ACTR3C: variants seen among roughly 807,000 people sequenced by gnomAD.
The protein encoded by ACTR3C is actin-related protein 3C.
Under a neutral mutation model 26.3 loss-of-function variants are expected in ACTR3C, and 18 were observed. That is an observed-to-expected ratio of 0.68 (90% confidence interval 0.47 to 1.01). The LOEUF is 1.01. Ranked by LOEUF, ACTR3C falls within the 50% of genes least tolerant of loss-of-function variation. The probability of loss-of-function intolerance (pLI) is 0.00; values close to 1 mark genes in which losing one functional copy is unlikely to be tolerated. For synonymous variants in ACTR3C, 55 were observed against 94.5 expected, an observed-to-expected ratio of 0.58 and a Z score of 2.42; for missense variants, 184 against 250.7, an observed-to-expected ratio of 0.73 and a Z score of 1.80.
the ACTR3C span, among the ~76,000 whole-genome samples, chr7:150,224,089 A>C: frequency 2.6e-5 from 4 of 152,224 alleles, no homozygotes; most frequent in Non-Finnish European, 5.9e-5. Context: ...AGCAAGATGG[A>C]AATCACAATC....
chr7:150,079,895 GT>G, the ACTR3C span, among the ~76,000 whole-genome samples: 1 of 152,098 alleles, frequency 6.6e-6, no homozygotes, highest in Non-Finnish European at 1.5e-5. Flanking sequence ...ACTTGCCCAT[GT>G]GTTACGTAGC....
At chr7:149,988,166 T>G in the ACTR3C span, among the ~76,000 whole-genome samples, 1 of 152,244 alleles carries the variant, frequency 6.6e-6, no homozygotes, top group Non-Finnish European at 1.5e-5. Context: ...AGTTGTTGCC[T>G]CCACGTTTCC....
chr7:150,236,192 A>G, the ACTR3C span, among the ~76,000 whole-genome samples: 1 of 152,232 alleles, frequency 6.6e-6, no homozygotes, highest in South Asian at 2.1e-4. Flanking sequence ...AATTGAATTT[A>G]TTGTAGATCA....
At chr7:150,037,089 TG>T in the ACTR3C span, among the ~76,000 whole-genome samples, 1 of 84,246 alleles carries the variant, frequency 1.2e-5, no homozygotes, top group African/African-American at 3.9e-5. Flanking sequence ...CCTCGTGCGA[TG>T]GGGGTCCTAA....
chr7:150,159,519 G>C, the ACTR3C span, among the ~76,000 whole-genome samples: 1 of 152,178 alleles, frequency 6.6e-6, no homozygotes, highest in East Asian at 1.9e-4. Context: ...CTGCAGCTGA[G>C]CTGGAAACAT....
At chr7:149,972,925 T>A in the ACTR3C span, among the ~76,000 whole-genome samples, 2 of 147,114 alleles carry the variant, frequency 1.4e-5, no homozygotes, top group African/African-American at 2.6e-5. Context: ...TCATAGTGAG[T>A]GGGCAGCATG....
At chr7:149,919,221 T>C in the ACTR3C span, among the ~76,000 whole-genome samples, 5 of 152,266 alleles carry the variant, frequency 3.3e-5, no homozygotes, top group South Asian at 2.1e-4. Context: ...TGTGCATTTG[T>C]TTGGCTTATT....
the ACTR3C span, among the ~76,000 whole-genome samples, chr7:150,099,940 C>G: frequency 6.6e-6 from 1 of 151,584 alleles, no homozygotes; most frequent in Non-Finnish European, 1.5e-5. Context: ...GATGAATACG[C>G]GAAGAAGAGC....
At chr7:150,259,799 TG>T (rs1563153900) in intron 6 of ACTR3C, among the ~76,000 whole-genome samples, 1 of 152,168 alleles carries the variant, frequency 6.6e-6, no homozygotes, top group African/African-American at 2.4e-5. Context: ...TTCTCAAAGG[TG>T]CCCCACCTGT....
At chr7:150,125,254 G>GTAT in the ACTR3C span, among the ~76,000 whole-genome samples, 1 of 132,116 alleles carries the variant, frequency 7.6e-6, no homozygotes, top group South Asian at 2.3e-4. Context: ...TCTCATTGCA[G>GTAT]TATTTTTTTT....
At chr7:150,239,778 G>T (rs1267180468), downstream of ACTR3C, among the ~76,000 whole-genome samples, 2 of 150,406 alleles carry the variant, frequency 1.3e-5, no homozygotes, top group Admixed American at 6.6e-5. Flanking sequence ...TTGAAACAGG[G>T]TCTCACTCTG....
At chr7:150,225,885 T>C in the ACTR3C span, among the ~76,000 whole-genome samples, 1 of 152,168 alleles carries the variant, frequency 6.6e-6, no homozygotes, top group African/African-American at 2.4e-5. Flanking sequence ...CCCCTGAAAA[T>C]GGTGATTTTT....
rs536111120 is a variant in ACTR3C, at chr7:150,265,448, CT to C, written c.565-16395del. On this transcript the variant is annotated intron_variant, in intron 6 of 7. Transcript: ENST00000683684. ...ATGGCTTATGCCTGTAATCTCAGCA[CT>C]TTGGGAGGCCGAGGCAGGCGGATCA... is the stretch of plus-strand genomic sequence containing the variant. 5.3e-3 allele frequency among the ~76,000 whole-genome samples: 808 copies of C among 151,798 alleles called. 6 individuals are homozygous for C. Among genetic ancestry groups the C allele is most frequent in the African/African-American group, 0.019 (764 of 41,288 alleles).
At chr7:150,197,119 T>C in the ACTR3C span, among the ~76,000 whole-genome samples, 14 of 152,154 alleles carry the variant, frequency 9.2e-5, no homozygotes, top group African/African-American at 2.9e-4. Context: ...CCAGGCTGAG[T>C]CCAGCATCTC....
the ACTR3C span, among the ~76,000 whole-genome samples, chr7:150,223,519 A>G: frequency 6.6e-6 from 1 of 151,964 alleles, no homozygotes; most frequent in Admixed American, 6.6e-5. Flanking sequence ...CTGCCAAATC[A>G]TTTCCCAAGA....
the ACTR3C span, among the ~76,000 whole-genome samples, chr7:150,128,694 G>A: frequency 6.6e-6 from 1 of 151,320 alleles, no homozygotes; most frequent in Non-Finnish European, 1.5e-5. Flanking sequence ...CAAGATCAGT[G>A]TGATAGTAAA....
At chr7:150,164,430 T>C in the ACTR3C span, among the ~76,000 whole-genome samples, 1 of 152,222 alleles carries the variant, frequency 6.6e-6, no homozygotes, top group Non-Finnish European at 1.5e-5. Context: ...ACATTAAACA[T>C]GCTTCTTTCC....
chr7:150,036,918 CT>C, the ACTR3C span, among the ~76,000 whole-genome samples: 12 of 104,868 alleles, frequency 1.1e-4, no homozygotes, highest in South Asian at 2.9e-4. Flanking sequence ...TGCCTCCCCC[CT>C]CTGCGATGGG....
At chr7:150,104,289 C>G in the ACTR3C span, among the ~76,000 whole-genome samples, 2 of 151,374 alleles carry the variant, frequency 1.3e-5, no homozygotes, top group African/African-American at 4.9e-5. Flanking sequence ...AAGGATAGGC[C>G]CAGAATTTTT....
Sources: allele counts gnomAD v4.1 joint callset (sites outside exome capture counted in the v4.1 genomes callset), GRCh38; gene constraint gnomAD v4.1.1; transcripts MANE v1.5; gene names NCBI Gene and HGNC (gene_info 2026-07-23, HGNC 2026-07-21).